Variants in LGI2 observed in about 807,000 individuals in gnomAD.
LGI2 encodes leucine rich repeat LGI family member 2, also known as leucine-rich repeat LGI family member 2.
LGI2 carries 30 observed loss-of-function variants against 52.0 expected under a neutral mutation model. The observed-to-expected ratio is 0.58, with a 90% CI of 0.43 to 0.78. The LOEUF (loss-of-function observed/expected upper bound fraction) is 0.78. Ranked by LOEUF, LGI2 falls within the 30% of genes least tolerant of loss-of-function variation. The pLI, the probability that LGI2 is intolerant of heterozygous loss-of-function variation, is 0.00. For synonymous variants in LGI2, 270 were observed against 271.8 expected, an observed-to-expected ratio of 0.99 and a Z score of 0.06; for missense variants, 573 against 692.5, an observed-to-expected ratio of 0.83 and a Z score of 1.94.
At chr4:25,030,321 G>A (rs989435885) in intron 1 of LGI2, among the ~76,000 whole-genome samples, 176 bp downstream of exon 1, 5 of 152,166 alleles carry the variant, frequency 3.3e-5, no homozygotes, top group African/African-American at 1.2e-4. Flanking sequence ...TGGGGCTCAG[G>A]TCCTCACCGT....
chr4:25,013,177 A>T (rs1560290370), intron 6 of LGI2, among the ~76,000 whole-genome samples: 2 of 152,338 alleles, frequency 1.3e-5, no homozygotes, highest in East Asian at 3.9e-4. Context: ...GCACGAAGTG[A>T]GTGCTCAATA....
At chr4:24,993,051 C>T in the LGI2 span, among the ~76,000 whole-genome samples, 1,634 of 152,298 alleles carry the variant, frequency 0.011, 18 homozygotes, top group Non-Finnish European at 0.017. Flanking sequence ...TCCTTAACTT[C>T]TCTGTGCCTC....
rs35093206 is a variant in LGI2 at position 25,030,091 on chromosome 4, A to AACAC, written c.197+402_197+405dup. On this transcript the variant is annotated intron_variant, in intron 1 of 7. Transcript: ENST00000382114. ...CCTACACACACAACTCCAACCCGCA[A>AACAC]ACACACACACACACACGCACACGCC... Among the ~76,000 whole-genome samples, 275 of 151,002 alleles carry AACAC rather than the reference A, an allele frequency of 1.8e-3. 2 individuals are homozygous for AACAC. In the South Asian group the frequency reaches 0.019, roughly 10 times the overall value.
At chr4:25,019,349 GA>G in intron 4 of LGI2, 111 bp from the exon 5 acceptor site, 1 of 669,514 alleles carries the variant, frequency 1.5e-6, no homozygotes, top group Non-Finnish European at 2.7e-6. Flanking sequence ...CATCAATACT[GA>G]GATAGAGAAA....
rs183282232 is a variant in LGI2 at position 25,000,561 on chromosome 4, C to T, written c.*2890G>A. On this transcript the variant is annotated 3_prime_UTR_variant, in exon 8 of 8. Coordinates refer to ENST00000382114, the MANE Select transcript of LGI2 (RefSeq NM_018176.4). ...TTATTTTTAGAGTCTTGATAATAGA[C>T]CCATTCCCGACCCCATGGAGTATGG... 6.6e-6 allele frequency: 1 copy of T among 152,248 alleles called. No homozygotes were observed. The highest frequency in any genetic ancestry group is 2.4e-5 in the African/African-American group (1 of 41,442). 9.4% of individuals were successfully genotyped at this position (152,248 alleles called of 1,614,324 possible).
intron 7 of LGI2, among the ~76,000 whole-genome samples, chr4:25,011,099 A>G (rs1725568453): frequency 6.6e-6 from 1 of 151,774 alleles, no homozygotes; most frequent in African/African-American, 2.4e-5. Flanking sequence ...AAAAAAATCA[A>G]AAAAACCAAA....
At chr4:25,016,847 G>C (rs1349787917) in intron 6 of LGI2, among the ~76,000 whole-genome samples, 1 of 152,102 alleles carries the variant, frequency 6.6e-6, no homozygotes, top group Non-Finnish European at 1.5e-5. Flanking sequence ...ATGACTTGAG[G>C]CTTTGTAGAT....
chr4:24,993,534 A>T, the LGI2 span, among the ~76,000 whole-genome samples: 1 of 152,002 alleles, frequency 6.6e-6, no homozygotes, highest in Non-Finnish European at 1.5e-5. Flanking sequence ...AACAGTGGTG[A>T]CCCCCACAGA....
chr4:25,017,517 G>A (rs931377276), intron 6 of LGI2, among the ~76,000 whole-genome samples: 25 of 136,278 alleles, frequency 1.8e-4, no homozygotes, highest in African/African-American at 6.8e-4. Context: ...ACTCCAGCCT[G>A]GGCGACAGAG....
At position 25,030,793 on chromosome 4, in the gene LGI2, C is replaced by T. The variant is rs1726320171; in HGVS notation, c.-100G>A. ...ACGCGGGCGCCGCTCGCTGCTCTGC[C>T]GCCGCCGCTGCTGGCGAGGACTAGG... On this transcript the variant is annotated 5_prime_UTR_variant, in exon 1 of 8. Transcript: ENST00000382114. The T allele has an allele frequency of 4.9e-6, 3 of 613,802 alleles. No homozygotes were observed. The highest frequency in any genetic ancestry group is 4.0e-5 in the African/African-American group (2 of 49,658). The allele number at this position is 613,802 out of a possible 1,614,324, so 38.0% of individuals were successfully genotyped here.
intron 7 of LGI2, among the ~76,000 whole-genome samples, chr4:25,010,277 C>T (rs1421635835): frequency 2.0e-5 from 3 of 151,940 alleles, no homozygotes; most frequent in Admixed American, 6.5e-5. Flanking sequence ...GAGACTCCAT[C>T]TCAAAAAAGA....
At position 25,003,930 on chromosome 4, in the gene LGI2, G is replaced by T. The variant is rs763494237; in HGVS notation, c.1159C>A (p.Leu387Ile). 2 of 1,614,180 alleles carry T rather than the reference G, an allele frequency of 1.2e-6. No homozygotes were observed. The highest frequency in any genetic ancestry group is 2.2e-5 in the South Asian group (2 of 91,080). ...EFVDIDGKSHLILSSRSQVPI... is the reference protein window; with the variant it reads ...EFVDIDGKSHIILSSRSQVPI... ...ACCTGGGAGCGGCTGGACAGGATGA[G>T]ATGCGATTTTCCATCGATATCAACA... Residue 387 changes from leucine to isoleucine, a missense_variant, in exon 8 of 8, where the codon CTC becomes ATC. Coordinates refer to ENST00000382114, the MANE Select transcript of LGI2 (RefSeq NM_018176.4).
chr4:24,992,992 G>A, the LGI2 span, among the ~76,000 whole-genome samples: 3 of 152,216 alleles, frequency 2.0e-5, no homozygotes, highest in Admixed American at 1.3e-4. Context: ...AGTTTCCTGG[G>A]TTTAAACCCA....
intron 2 of LGI2, 62 bp from the exon 3 acceptor site, chr4:25,027,001 T>C: frequency 7.9e-7 from 1 of 1,266,670 alleles, no homozygotes; most frequent in Non-Finnish European, 1.2e-6. Context: ...GGTAAAGCCA[T>C]TTCTCTTTCC....
Position 25,024,834 on chromosome 4 carries a change from A to G in LGI2, c.399T>C (p.Arg133=), listed in dbSNP as rs535481738. Residue 133 remains arginine, a synonymous_variant, in exon 4 of 8, where the codon CGT becomes CGC. Transcript: ENST00000382114. The part of the protein sequence containing the change: ...TISRNAFRGL[R]DLTHLSLANN... The stretch of plus-strand genomic sequence containing the variant: ...ATAGGACTTACAGGTGAGTCAGGTC[A>G]CGGAGGCCACGAAAGGCATTTCTTG... 104 of 1,608,718 alleles carry G rather than the reference A, an allele frequency of 6.5e-5. 2 individuals are homozygous for G. In the South Asian group the frequency reaches 1.1e-3, roughly 17 times the overall value.
At chr4:25,014,672 T>A (rs552786900) in intron 6 of LGI2, among the ~76,000 whole-genome samples, 1 of 151,534 alleles carries the variant, frequency 6.6e-6, no homozygotes, top group African/African-American at 2.4e-5. Flanking sequence ...TTACTAAAAA[T>A]TAAGAAAAAT....
chr4:25,027,050 C>A, intron 2 of LGI2, 111 bp from the exon 3 acceptor site: 1 of 847,594 alleles, frequency 1.2e-6, no homozygotes, highest in Non-Finnish European at 2.0e-6. Flanking sequence ...ATGAGCTCTT[C>A]TTAGCCTAAG....
chr4:25,013,400 G>A (rs985181862), intron 6 of LGI2, among the ~76,000 whole-genome samples: 1 of 152,234 alleles, frequency 6.6e-6, no homozygotes, highest in Non-Finnish European at 1.5e-5. Context: ...CAGGCAGGAG[G>A]TGACTGAGGG....
chr4:25,022,192 A>G (rs1358324406), intron 4 of LGI2, among the ~76,000 whole-genome samples: 1 of 152,216 alleles, frequency 6.6e-6, no homozygotes, highest in Non-Finnish European at 1.5e-5. Flanking sequence ...CACTGTAGAC[A>G]GTAAAGTGCT....
Sources: allele counts gnomAD v4.1 joint callset (sites outside exome capture counted in the v4.1 genomes callset), GRCh38; gene constraint gnomAD v4.1.1; transcripts MANE v1.5; gene names NCBI Gene and HGNC (gene_info 2026-07-23, HGNC 2026-07-21).